WIPF2: variants seen among roughly 807,000 people sequenced by gnomAD.
WIPF2 encodes the protein WAS/WASL interacting protein family member 2, also known as WAS/WASL-interacting protein family member 2.
WIPF2 carries 23 observed loss-of-function variants against 38.8 expected under a neutral mutation model. That is an observed-to-expected ratio of 0.59 (90% CI 0.43 to 0.84). The LOEUF (loss-of-function observed/expected upper bound fraction) is 0.84, where lower values mean the gene tolerates loss of function less well. Among genes scored for constraint, WIPF2 ranks in the 40% least tolerant of loss-of-function variants. The pLI is 0.00. For synonymous variants in WIPF2, 210 were observed against 223.2 expected, an observed-to-expected ratio of 0.94 and a Z score of 0.53; for missense variants, 574 against 580.5, an observed-to-expected ratio of 0.99 and a Z score of 0.11.
intron 5 of WIPF2, among the ~76,000 whole-genome samples, chr17:40,270,809 CAGTG>C (rs1415732197): frequency 6.6e-5 from 10 of 151,896 alleles, no homozygotes; most frequent in South Asian, 2.1e-4. Context: ...AGCTTGGAAA[CAGTG>C]AGGAAGAGTT....
intron 1 of WIPF2, among the ~76,000 whole-genome samples, chr17:40,256,118 AAG>A (rs1419997855): frequency 6.6e-6 from 1 of 150,520 alleles, no homozygotes; most frequent in Non-Finnish European, 1.5e-5. Context: ...AAAAAAAAAA[AAG>A]GACACAAGGC....
intron 1 of WIPF2, among the ~76,000 whole-genome samples, chr17:40,235,220 A>G (rs748361462): frequency 6.6e-6 from 1 of 152,138 alleles, no homozygotes; most frequent in African/African-American, 2.4e-5. Context: ...AAGTGTTGGT[A>G]GAATTTAAAC....
intron 1 of WIPF2, among the ~76,000 whole-genome samples, chr17:40,238,093 G>A (rs1186133445): frequency 1.3e-5 from 2 of 150,862 alleles, no homozygotes; most frequent in East Asian, 4.0e-4. Context: ...TCTTGACCTT[G>A]TGATCCACCC....
chr17:40,275,682 C>T lies in WIPF2; in HGVS notation c.1181-1401C>T, dbSNP rs997383992. Among the ~76,000 whole-genome samples, 3 of 152,268 alleles carry T rather than the reference C, an allele frequency of 2.0e-5. No individual in the cohort carries two copies. In the East Asian group the frequency reaches 5.8e-4, roughly 29 times the overall value. On this transcript the variant is annotated intron_variant, in intron 6 of 7. Transcript: ENST00000323571. ...AGGCTCAAGCAATCCTCCCATCCTT[C>T]AGCCTTCCAAGTAGCTGGGACCACA...
At chr17:40,272,109 T>A (rs2032268039) in intron 5 of WIPF2, among the ~76,000 whole-genome samples, 1 of 151,606 alleles carries the variant, frequency 6.6e-6, no homozygotes, top group Non-Finnish European at 1.5e-5. Context: ...AACCTCCGCC[T>A]CTTGGGTTCA....
intron 3 of WIPF2, among the ~76,000 whole-genome samples, chr17:40,261,748 G>A (rs866506777): frequency 2.0e-4 from 29 of 145,104 alleles, no homozygotes; most frequent in Non-Finnish European, 3.8e-4. Context: ...GTGCAGTGGC[G>A]CGATCTTGGC....
chr17:40,232,585 A>T (rs942140116), intron 1 of WIPF2, among the ~76,000 whole-genome samples: 3 of 148,824 alleles, frequency 2.0e-5, no homozygotes, highest in Admixed American at 2.0e-4. Context: ...TCCCAAAGTG[A>T]TGGGATTACA....
rs931851098 is a variant in WIPF2, at chr17:40,282,656, C to A, written c.*4431C>A. ...TGGTACATTTCTCTCTTCTGGATGC[C>A]ATGCAGCTTAATTAAAACCTTGCTT... On this transcript the variant is annotated 3_prime_UTR_variant, in exon 8 of 8. Transcript: ENST00000323571. The A allele has an allele frequency of 2.6e-5, 4 of 152,168 alleles. No homozygotes were observed. The highest frequency in any genetic ancestry group is 2.6e-4 in the Admixed American group (4 of 15,274). 9.4% of individuals were successfully genotyped at this position (152,168 alleles called of 1,614,324 possible).
chr17:40,246,623 C>T (rs1051145084), intron 1 of WIPF2, among the ~76,000 whole-genome samples: 1 of 151,714 alleles, frequency 6.6e-6, no homozygotes, highest in Non-Finnish European at 1.5e-5. Flanking sequence ...TCTTGAACTC[C>T]TGACCTCAAA....
rs115453873 is a variant in WIPF2 at position 40,274,350 on chromosome 17, A to G, written c.1180+351A>G. On this transcript the variant is annotated intron_variant, in intron 6 of 7. Transcript: ENST00000323571. The stretch of plus-strand genomic sequence containing the variant: ...ACAGGACTTATGTATTCTCCTAGGA[A>G]GGAGTGTTCCTTTCTAGCTCTTCAA... 3.7e-3 allele frequency among the ~76,000 whole-genome samples: 557 copies of G among 152,230 alleles called. 1 individual carries two copies. The highest frequency in any genetic ancestry group is 0.013 in the African/African-American group (536 of 41,554).
At chr17:40,274,580 A>G in intron 6 of WIPF2, among the ~76,000 whole-genome samples, 1 of 148,728 alleles carries the variant, frequency 6.7e-6, no homozygotes, top group Non-Finnish European at 1.5e-5. Context: ...AAAAAAAAAA[A>G]AAAAAAAAGA....
chr17:40,220,177 A>C (rs1306027487), intron 1 of WIPF2, among the ~76,000 whole-genome samples: 1 of 151,394 alleles, frequency 6.6e-6, no homozygotes, highest in Admixed American at 6.6e-5. Flanking sequence ...GGGTCTGGCT[A>C]TGTTGCTCAG....
At position 40,282,032 on chromosome 17, in the gene WIPF2, G is replaced by A. The variant is rs2032556030; in HGVS notation, c.*3807G>A. On this transcript the variant is annotated 3_prime_UTR_variant, in exon 8 of 8. Coordinates refer to ENST00000323571, the MANE Select transcript of WIPF2 (RefSeq NM_133264.5). ...CGGGAATGGGAGGGGAGAGAGGAGG[G>A]CCATTACAACTCTGCCTTCAAGACT... The A allele has an allele frequency of 6.9e-6, 1 of 145,244 alleles. No individual in the cohort carries two copies. The highest frequency in any genetic ancestry group is 1.5e-5 in the Non-Finnish European group (1 of 67,408). The allele number at this position is 145,244 out of a possible 1,614,324, so 9.0% of individuals were successfully genotyped here. A position where few individuals can be genotyped will look rare whatever the true frequency, so the allele number is the denominator to read the frequency against.
intron 6 of WIPF2, among the ~76,000 whole-genome samples, chr17:40,274,582 A>AAAAAAAG: frequency 1.3e-5 from 2 of 148,534 alleles, no homozygotes; most frequent in Non-Finnish European, 1.5e-5. Flanking sequence ...AAAAAAAAAA[A>AAAAAAAG]AAAAAAGAAA....
In WIPF2 at chr17:40,280,215, T is replaced by A. The variant is rs1423420436; in HGVS notation, c.*1990T>A. 1 of 152,274 alleles carries A rather than the reference T, an allele frequency of 6.6e-6. No homozygotes were observed. Among genetic ancestry groups the A allele is most frequent in the Non-Finnish European group, 1.5e-5 (1 of 68,108 alleles). 9.4% of individuals were successfully genotyped at this position (152,274 alleles called of 1,614,324 possible). A position where few individuals can be genotyped will look rare whatever the true frequency, so the allele number is the denominator to read the frequency against. ...CGGGCGCTGTGGCTTATGCCTGTAATCTCAGCAATTTGGGAGGCCGAGGCG... is the reference window on the plus strand; with the variant it reads ...CGGGCGCTGTGGCTTATGCCTGTAAACTCAGCAATTTGGGAGGCCGAGGCG... On this transcript the variant is annotated 3_prime_UTR_variant, in exon 8 of 8. Transcript: ENST00000323571.
At chr17:40,266,153 G>T (rs2032078572) in intron 5 of WIPF2, among the ~76,000 whole-genome samples, 1 of 150,080 alleles carries the variant, frequency 6.7e-6, no homozygotes. Context: ...CAGGAGAATC[G>T]CTTGAACTCA....
At chr17:40,264,326 C>CAAAAAAAAAA (rs772320240) in intron 4 of WIPF2, among the ~76,000 whole-genome samples, 164 bp from the exon 5 acceptor site, 1 of 23,964 alleles carries the variant, frequency 4.2e-5, no homozygotes, top group African/African-American at 1.3e-4. Context: ...AACTTCGTCT[C>CAAAAAAAAAA]AAAAAAAAAA....
At chr17:40,277,282 C>A in intron 7 of WIPF2, 98 bp downstream of exon 7, 1 of 1,016,124 alleles carries the variant, frequency 9.8e-7, no homozygotes, top group Non-Finnish European at 1.4e-6. Context: ...GGCACAGTGG[C>A]TCATACCTAT....
chr17:40,252,289 A>G lies in WIPF2; in HGVS notation c.-69-4102A>G, dbSNP rs183484233. Reference sequence around the variant, plus strand: ...GATTGGATCACCTATGGACATGGAAAGAGTAAAGGACTTGTCTGAGTCTTT... The same window carrying G: ...GATTGGATCACCTATGGACATGGAAGGAGTAAAGGACTTGTCTGAGTCTTT... On this transcript the variant is annotated intron_variant, in intron 1 of 7. Transcript: ENST00000323571. 2.6e-5 allele frequency among the ~76,000 whole-genome samples: 4 copies of G among 152,310 alleles called. No homozygotes were observed. In the East Asian group the frequency reaches 7.7e-4, roughly 29 times the overall value.
Sources: gnomAD v4.1 joint callset for allele counts (sites outside exome capture counted in the v4.1 genomes callset) on GRCh38, gnomAD v4.1.1 for gene constraint, MANE v1.5 for transcripts, NCBI Gene and HGNC (gene_info 2026-07-23, HGNC 2026-07-21) for gene names.